XDH: variants seen among roughly 807,000 people sequenced by gnomAD.
XDH encodes xanthine dehydrogenase, also known as xanthine dehydrogenase/oxidase.
Under a neutral mutation model 156.1 loss-of-function variants are expected in XDH, and 138 were observed. The ratio of observed to expected loss-of-function variants is 0.88; its 90% confidence interval spans 0.77 to 1.02. The LOEUF (loss-of-function observed/expected upper bound fraction) is 1.02. XDH is among the 50% of genes least tolerant of loss of function. The probability of loss-of-function intolerance (pLI) is 0.00; values close to 1 mark genes in which losing one functional copy is unlikely to be tolerated. For synonymous variants in XDH, 669 were observed against 625.7 expected (o/e 1.07, Z -1.03); for missense variants, 1,849 against 1,684.9 (o/e 1.10, Z -1.71).
intron 1 of XDH, among the ~76,000 whole-genome samples, chr2:31,410,608 C>T (rs774951042): frequency 3.9e-5 from 6 of 152,134 alleles, no homozygotes; most frequent in African/African-American, 7.2e-5. Context: ...CAAAAACTGA[C>T]GTTAAAAAAA....
At chr2:31,406,077 T>C in intron 1 of XDH, 113 bp from the exon 2 acceptor site, 2 of 1,215,300 alleles carry the variant, frequency 1.6e-6, no homozygotes, top group African/African-American at 3.0e-5. Context: ...GTAGGAAGTG[T>C]GATATAGTTT....
chr2:31,381,676 G>C lies in XDH; in HGVS notation c.1089C>G (p.Pro363=), dbSNP rs267599349. Reference sequence around the variant, plus strand: ...GCTTGGCCCCACTGGCCATGAACACGGGGTTGAGGTCGGAGATGGGGCTGG... The same window carrying C: ...GCTTGGCCCCACTGGCCATGAACACCGGGTTGAGGTCGGAGATGGGGCTGG... ...ITASPISDLN[P]VFMASGAKLT... Residue 363 remains proline, a synonymous_variant, in exon 12 of 36, where the codon CCC becomes CCG. Coordinates refer to ENST00000379416, the MANE Select transcript of XDH (RefSeq NM_000379.4). The C allele has an allele frequency of 2.5e-6, 4 of 1,614,026 alleles. No homozygotes were observed. Among genetic ancestry groups the C allele is most frequent in the Non-Finnish European group, 3.4e-6 (4 of 1,180,006 alleles).
intron 26 of XDH, 69 bp downstream of exon 26, chr2:31,349,617 G>GC: frequency 1.4e-6 from 2 of 1,464,164 alleles, no homozygotes; most frequent in Non-Finnish European, 1.8e-6. Flanking sequence ...CTTCCTATAT[G>GC]GGGTCAGCAG....
At chr2:31,367,938 A>C (rs1007251796) in intron 20 of XDH, 23 bp downstream of exon 20, 18 of 1,610,090 alleles carry the variant, frequency 1.1e-5, no homozygotes, top group Non-Finnish European at 1.4e-5. Context: ...CCCCATTCCC[A>C]CTGCGGCATG....
intron 24 of XDH, among the ~76,000 whole-genome samples, chr2:31,350,576 A>G (rs1384211148): frequency 6.6e-6 from 1 of 151,802 alleles, no homozygotes; most frequent in Non-Finnish European, 1.5e-5. Context: ...GGGTTTCACC[A>G]TGTTGGCCTG....
chr2:31,348,166 C>T, intron 28 of XDH, 102 bp downstream of exon 28: 1 of 1,204,784 alleles, frequency 8.3e-7, no homozygotes. Flanking sequence ...AGGGCCAGGG[C>T]CAGACCCCGG....
intron 29 of XDH, 53 bp downstream of exon 29, chr2:31,347,469 G>A: frequency 1.2e-6 from 2 of 1,611,598 alleles, no homozygotes; most frequent in Non-Finnish European, 1.7e-6. Flanking sequence ...GACTCTCCAG[G>A]CCCACAGCTC....
At chr2:31,395,279 G>A (rs1190162980) in intron 6 of XDH, among the ~76,000 whole-genome samples, 5 of 152,042 alleles carry the variant, frequency 3.3e-5, no homozygotes, top group East Asian at 1.9e-4. Flanking sequence ...TTTTTTCTCC[G>A]TTTGGTGGGA....
chr2:31,354,594 G>C (rs1685577081), intron 24 of XDH, among the ~76,000 whole-genome samples: 2 of 152,106 alleles, frequency 1.3e-5, no homozygotes, highest in African/African-American at 2.4e-5. Flanking sequence ...AAGATACAAA[G>C]AAGAACCTAA....
rs202125003 is a variant in XDH, at chr2:31,339,474, C to T, written c.3774+15G>A. 1,088 of 1,613,550 alleles carry T rather than the reference C, an allele frequency of 6.7e-4. 2 individuals carry two copies. The highest frequency in any genetic ancestry group is 8.8e-4 in the Non-Finnish European group (1,037 of 1,180,042). ...GCAGATCAGAAGAGACAGCACAGAG[C>T]CAGAGCAATGGTACCTTCGATGCAT... On this transcript the variant is annotated intron_variant, in intron 34 of 35. Coordinates refer to ENST00000379416, the MANE Select transcript of XDH (RefSeq NM_000379.4).
intron 35 of XDH, 51 bp downstream of exon 35, chr2:31,337,590 G>A: frequency 3.7e-6 from 6 of 1,612,316 alleles, no homozygotes; most frequent in African/African-American, 1.3e-5. Flanking sequence ...CAGTTTGCCA[G>A]CCTATCCCTG....
At chr2:31,398,207 C>T (rs1470928730) in intron 5 of XDH, among the ~76,000 whole-genome samples, 1 of 152,152 alleles carries the variant, frequency 6.6e-6, no homozygotes, top group Admixed American at 6.5e-5. Flanking sequence ...CTGCAGAATC[C>T]TGTTCTGGTG....
At chr2:31,406,023 T>C (rs1179004512) in intron 1 of XDH, 59 bp from the exon 2 acceptor site, 1 of 1,577,928 alleles carries the variant, frequency 6.3e-7, no homozygotes, top group African/African-American at 1.3e-5. Context: ...CTTTCTGCAA[T>C]TAATTTCTTC....
At position 31,382,124 on chromosome 2, in the gene XDH, T is replaced by C. The variant is rs540088824; in HGVS notation, c.1039-398A>G. Among the ~76,000 whole-genome samples, 17 of 152,298 alleles carry C rather than the reference T, an allele frequency of 1.1e-4. No individual in the cohort carries two copies. In the East Asian group the frequency reaches 3.1e-3, roughly 28 times the overall value. ...GGTTGAACAATTTGCTCTATTTGGA[T>C]CTGAACTTCCTGGTAACTTGGCAAA... On this transcript the variant is annotated intron_variant, in intron 11 of 35. Coordinates refer to ENST00000379416, the MANE Select transcript of XDH (RefSeq NM_000379.4).
At chr2:31,346,429 G>C (rs1214950917) in intron 30 of XDH, among the ~76,000 whole-genome samples, 1 of 152,114 alleles carries the variant, frequency 6.6e-6, no homozygotes, top group Non-Finnish European at 1.5e-5. Flanking sequence ...CGGGGTGTGG[G>C]AGCAGACCCA....
intron 11 of XDH, among the ~76,000 whole-genome samples, chr2:31,381,935 C>T (rs938911620): frequency 1.3e-5 from 2 of 152,136 alleles, no homozygotes; most frequent in African/African-American, 4.8e-5. Flanking sequence ...GAGATTGGAT[C>T]CCCACTCTAA....
In XDH at chr2:31,342,237, G is replaced by A. The variant is rs765962072; in HGVS notation, c.3465C>T (p.Ser1155=). The A allele has an allele frequency of 6.2e-7, 1 of 1,614,152 alleles. No homozygotes were observed. The highest frequency in any genetic ancestry group is 2.2e-5 in the East Asian group (1 of 44,884). Residue 1155 remains serine, a synonymous_variant, in exon 32 of 36, where the codon AGC becomes AGT. Coordinates refer to ENST00000379416, the MANE Select transcript of XDH (RefSeq NM_000379.4). ...CTACTTCAGAGCAAGCCACCCCATA[G>A]CTGAAGTAGTGGAAGGGGTTCCCTG... The part of the protein sequence containing the change: ...TNSGNPFHYF[S]YGVACSEVEI...
At chr2:31,390,205 T>C (rs1258840611) in intron 6 of XDH, among the ~76,000 whole-genome samples, 1 of 152,232 alleles carries the variant, frequency 6.6e-6, no homozygotes, top group African/African-American at 2.4e-5. Flanking sequence ...TGGCAACCAC[T>C]AGTCTTTTTA....
chr2:31,410,732 G>A (rs1002376264), intron 1 of XDH, among the ~76,000 whole-genome samples: 2 of 152,044 alleles, frequency 1.3e-5, no homozygotes, highest in African/African-American at 2.4e-5. Flanking sequence ...TTCAATGTGA[G>A]GAACATTCTA....
Sources: gnomAD v4.1 joint callset for allele counts (sites outside exome capture counted in the v4.1 genomes callset) on GRCh38, gnomAD v4.1.1 for gene constraint, MANE v1.5 for transcripts, NCBI Gene and HGNC (gene_info 2026-07-23, HGNC 2026-07-21) for gene names.